MAP2K5: variants seen among roughly 807,000 people sequenced by gnomAD.
The protein encoded by MAP2K5 is mitogen-activated protein kinase kinase 5.
A neutral mutation model predicts 83.1 loss-of-function variants in MAP2K5; 49 were observed. The ratio of observed to expected loss-of-function variants is 0.59; its 90% CI spans 0.47 to 0.75. The LOEUF (loss-of-function observed/expected upper bound fraction) is 0.75. MAP2K5 is among the 30% of genes least tolerant of loss of function. MAP2K5 has a pLI of 0.00. For synonymous variants in MAP2K5, 202 were observed against 191.8 expected, an observed-to-expected ratio of 1.05 and a Z score of -0.44; for missense variants, 457 against 557.5, an observed-to-expected ratio of 0.82 and a Z score of 1.82.
At chr15:67,667,653 A>G (rs184335885) in intron 13 of MAP2K5, among the ~76,000 whole-genome samples, 1 of 146,164 alleles carries the variant, frequency 6.8e-6, no homozygotes, top group Admixed American at 6.8e-5. Flanking sequence ...AAACCAGAGT[A>G]AAAAAAAAAA....
chr15:67,602,105 G>A (rs1175399697), intron 8 of MAP2K5, among the ~76,000 whole-genome samples: 4 of 152,156 alleles, frequency 2.6e-5, no homozygotes, highest in African/African-American at 4.8e-5. Flanking sequence ...TGATTTTTGC[G>A]GCTACTATTC....
intron 21 of MAP2K5, among the ~76,000 whole-genome samples, chr15:67,800,519 CATCCATCAAACCA>C (rs960454614): frequency 6.6e-6 from 1 of 152,212 alleles, no homozygotes; most frequent in African/African-American, 2.4e-5. Context: ...CCAACTTAGG[CATCCATCAAACCA>C]ATGTAGATGC....
At chr15:67,576,932 T>A (rs56397260) in intron 3 of MAP2K5, among the ~76,000 whole-genome samples, 89,299 of 131,500 alleles carry the variant, frequency 0.68, 32,732 homozygotes, top group Non-Finnish European at 0.73. Flanking sequence ...ATATATATTT[T>A]TTTTTTTTTT....
At chr15:67,659,125 C>T (rs2087167625) in intron 12 of MAP2K5, 1 of 236,212 alleles carries the variant, frequency 4.2e-6, no homozygotes, top group Admixed American at 5.3e-5. Context: ...AAGCAGTTTT[C>T]CCATATTCTT....
intron 8 of MAP2K5, among the ~76,000 whole-genome samples, chr15:67,608,989 G>A (rs996353534): frequency 1.3e-5 from 2 of 152,158 alleles, no homozygotes; most frequent in African/African-American, 4.8e-5. Flanking sequence ...CACAGCCTAA[G>A]GATGGACACA....
chr15:67,587,582 C>G lies in MAP2K5; in HGVS notation c.431+669C>G, dbSNP rs139349039. 2.3e-3 allele frequency among the ~76,000 whole-genome samples: 349 copies of G among 152,258 alleles called. 2 individuals carry two copies. Among genetic ancestry groups the G allele is most frequent in the African/African-American group, 8.1e-3 (338 of 41,534 alleles). On this transcript the variant is annotated intron_variant, in intron 6 of 21. Transcript: ENST00000178640. This position sits in a 1 kb window ranked among gnomAD's most constrained non-coding sequence, Gnocchi z 4.8. ...GAATGCACTTTATCAGCCAACGCAG[C>G]TCCTTCCCTTTTTTACTTGGCTACA...
rs2090306775 is a variant in MAP2K5, at chr15:67,780,221, A to T, written c.1242+7469A>T. Among the ~76,000 whole-genome samples, 1 of 152,174 alleles carries T rather than the reference A, an allele frequency of 6.6e-6. No homozygotes were observed. The highest frequency in any genetic ancestry group is 2.4e-5 in the African/African-American group (1 of 41,416). On this transcript the variant is annotated intron_variant, in intron 21 of 21. Transcript: ENST00000178640. The surrounding 1 kb of genome is among the most constrained non-coding windows in gnomAD (Gnocchi z 5.0). ...GAGGTTTAAAAGGCTAAAGAAAAAA[A>T]TGCCTGGATCCTAACCTAGATCAAA...
chr15:67,584,918 G>T (rs2141000569), intron 4 of MAP2K5, among the ~76,000 whole-genome samples: 1 of 151,522 alleles, frequency 6.6e-6, no homozygotes, highest in South Asian at 2.1e-4. Context: ...GGTTGGTCTT[G>T]ATCTCTTGAC....
chr15:67,609,791 CT>C (rs1401829832), intron 8 of MAP2K5, among the ~76,000 whole-genome samples: 19 of 151,750 alleles, frequency 1.3e-4, no homozygotes, highest in African/African-American at 4.4e-4. Flanking sequence ...GAGCTGAGAC[CT>C]AAAGACAGGA....
chr15:67,806,750 A>AGGCT lies in MAP2K5; in HGVS notation c.*2_*5dup. On this transcript the variant is annotated 3_prime_UTR_variant, in exon 22 of 22. Coordinates refer to ENST00000178640, the MANE Select transcript of MAP2K5 (RefSeq NM_145160.3). ...GGCGGAGCCAGCAGGGGCCCCCGTGAGGCTGCCGCAGGGCACTGAAAGCCC... is the reference window on the plus strand; with the variant it reads ...GGCGGAGCCAGCAGGGGCCCCCGTGAGGCTGGCTGCCGCAGGGCACTGAAAGCCC... 1 of 1,557,626 alleles carries AGGCT rather than the reference A, an allele frequency of 6.4e-7. No individual in the cohort carries two copies. Among genetic ancestry groups the AGGCT allele is most frequent in the Non-Finnish European group, 8.7e-7 (1 of 1,153,974 alleles).
intron 17 of MAP2K5, among the ~76,000 whole-genome samples, chr15:67,741,222 T>C (rs2089484747): frequency 6.6e-6 from 1 of 151,996 alleles, no homozygotes; most frequent in African/African-American, 2.4e-5. Flanking sequence ...TGGTGGAGAA[T>C]AGGAAATCAT....
At chr15:67,707,977 A>G (rs1486006791) in intron 16 of MAP2K5, among the ~76,000 whole-genome samples, 2 of 152,164 alleles carry the variant, frequency 1.3e-5, no homozygotes, top group Admixed American at 1.3e-4. Flanking sequence ...AAAACTGATA[A>G]AAATGTAGGA....
At chr15:67,695,513 A>T (rs752431590) in intron 15 of MAP2K5, among the ~76,000 whole-genome samples, 10 of 152,182 alleles carry the variant, frequency 6.6e-5, no homozygotes, top group Non-Finnish European at 1.5e-4. Context: ...TCCTCTACCA[A>T]GTTAGGTGAG....
intron 9 of MAP2K5, among the ~76,000 whole-genome samples, chr15:67,632,240 A>C (rs1001912315): frequency 6.6e-6 from 1 of 151,886 alleles, no homozygotes; most frequent in Admixed American, 6.6e-5. Flanking sequence ...GTTGGACCAG[A>C]GGTGTGCATC....
Position 67,636,124 on chromosome 15 carries a change from A to G in MAP2K5, c.585+5197A>G, listed in dbSNP as rs12902406. 6.6e-6 allele frequency among the ~76,000 whole-genome samples: 1 copy of G among 152,178 alleles called. No homozygotes were observed. On this transcript the variant is annotated intron_variant, in intron 9 of 21. Transcript: ENST00000178640. This position sits in a 1 kb window ranked among gnomAD's most constrained non-coding sequence, Gnocchi z 4.7. ...TGGCCTCCTCTGCTTTCTTGAAAGT[A>G]TGAAATGACCGGGCGCCGTGGCTCA...
chr15:67,599,022 G>A (rs1050890679), intron 7 of MAP2K5, among the ~76,000 whole-genome samples: 1 of 152,168 alleles, frequency 6.6e-6, no homozygotes, highest in Non-Finnish European at 1.5e-5. Flanking sequence ...TGCTATTTAC[G>A]TTTCCTTCAT....
At chr15:67,641,959 T>C (rs2086721610) in intron 9 of MAP2K5, among the ~76,000 whole-genome samples, 1 of 152,210 alleles carries the variant, frequency 6.6e-6, no homozygotes, top group African/African-American at 2.4e-5. Flanking sequence ...AGAGAGCATT[T>C]GAATAGAGTT....
At chr15:67,648,944 G>A (rs2086895667) in intron 11 of MAP2K5, among the ~76,000 whole-genome samples, 1 of 152,266 alleles carries the variant, frequency 6.6e-6, no homozygotes, top group African/African-American at 2.4e-5. Flanking sequence ...GTAGCTTTAT[G>A]TTTAACTTTT....
At chr15:67,642,631 T>C in intron 9 of MAP2K5, 1 of 679,552 alleles carries the variant, frequency 1.5e-6, no homozygotes, top group Non-Finnish European at 2.7e-6. Flanking sequence ...AGGCTGTAAG[T>C]AGGGAAAGCA....
Sources: allele counts gnomAD v4.1 joint callset (sites outside exome capture counted in the v4.1 genomes callset), GRCh38; gene constraint gnomAD v4.1.1; non-coding constraint Gnocchi (gnomAD v3.1); transcripts MANE v1.5; gene names NCBI Gene and HGNC (gene_info 2026-07-23, HGNC 2026-07-21).